Variants in DBT observed in about 807,000 individuals in gnomAD.
DBT encodes the protein dihydrolipoamide branched chain transacylase E2, also known as lipoamide acyltransferase component of branched-chain alpha-keto acid dehydrogenase complex, mitochondrial.
DBT carries 40 observed loss-of-function variants against 51.3 expected under a neutral mutation model. The observed-to-expected ratio is 0.78, with a 90% CI of 0.61 to 1.02. The LOEUF (loss-of-function observed/expected upper bound fraction) is 1.02, where lower values mean the gene tolerates loss of function less well. Among genes scored for constraint, DBT ranks in the 50% least tolerant of loss-of-function variants. DBT has a pLI of 0.00. For synonymous variants in DBT, 181 were observed against 190.4 expected (o/e 0.95, Z 0.41); for missense variants, 510 against 580.2 (o/e 0.88, Z 1.24).
intron 3 of DBT, among the ~76,000 whole-genome samples, chr1:100,232,431 C>T (rs1663603676): frequency 6.6e-6 from 1 of 152,120 alleles, no homozygotes; most frequent in Admixed American, 6.5e-5. Context: ...TGAGCCACCA[C>T]ACCTGGCCAC....
At chr1:100,235,773 A>C (rs1663827920) in intron 2 of DBT, among the ~76,000 whole-genome samples, 1 of 152,210 alleles carries the variant, frequency 6.6e-6, no homozygotes, top group Admixed American at 6.5e-5. Flanking sequence ...GTCTGTTATA[A>C]GGCTATAAAA....
At position 100,206,657 on chromosome 1, in the gene DBT, C is replaced by T. The variant is rs554313913; in HGVS notation, c.1018-21G>A. 3.5e-6 allele frequency: 5 copies of T among 1,418,170 alleles called. No individual in the cohort carries two copies. In the South Asian group the frequency reaches 4.6e-5, roughly 13 times the overall value. The allele number at this position is 1,418,170 out of a possible 1,614,324, so 87.8% of individuals were successfully genotyped here. On this transcript the variant is annotated intron_variant, in intron 8 of 10. Transcript: ENST00000370132. ...GAAGCCTAAAAAATAAAAAATTGTA[C>T]AGTAGGGCTTTTAATGAATAAGCTA...
rs1660781689 is a variant in DBT, at chr1:100,191,003, T to G, written c.*5252A>C. ...TGTAAATTCAAATAGGTATCTTCTT[T>G]TTCTCTTGATAAATATTCCTGTGGT... On this transcript the variant is annotated 3_prime_UTR_variant, in exon 11 of 11. Coordinates refer to ENST00000370132, the MANE Select transcript of DBT (RefSeq NM_001918.5). 3.9e-5 allele frequency: 6 copies of G among 152,224 alleles called. No homozygotes were observed. The South Asian group carries it at 1.2e-3, about 32-fold the overall frequency. 9.4% of individuals were successfully genotyped at this position (152,224 alleles called of 1,614,324 possible).
chr1:100,207,969 A>T (rs1442571962), intron 8 of DBT, among the ~76,000 whole-genome samples: 2 of 152,136 alleles, frequency 1.3e-5, no homozygotes, highest in Non-Finnish European at 2.9e-5. Context: ...CATCTGTACG[A>T]AAAATACAAA....
At chr1:100,225,022 C>CCAA (rs1169043481) in intron 4 of DBT, among the ~76,000 whole-genome samples, 6 of 64,838 alleles carry the variant, frequency 9.3e-5, no homozygotes, top group African/African-American at 2.6e-4. Context: ...CGTCTCCCCC[C>CCAA]AAAAAAAAAA....
chr1:100,194,103 A>G lies in DBT; in HGVS notation c.*2152T>C, dbSNP rs955826049. The G allele has an allele frequency of 1.3e-5, 2 of 152,192 alleles. No individual in the cohort carries two copies. The highest frequency in any genetic ancestry group is 4.8e-5 in the African/African-American group (2 of 41,462). The allele number at this position is 152,192 out of a possible 1,614,324, so 9.4% of individuals were successfully genotyped here. A position where few individuals can be genotyped will look rare whatever the true frequency, so the allele number is the denominator to read the frequency against. On this transcript the variant is annotated 3_prime_UTR_variant, in exon 11 of 11. Coordinates refer to ENST00000370132, the MANE Select transcript of DBT (RefSeq NM_001918.5). Reference sequence around the variant, plus strand: ...AAGATTATGAATGACTTTTTCTTTTATTGGTTAACTCTTTGTATTATCTGA... The same window carrying G: ...AAGATTATGAATGACTTTTTCTTTTGTTGGTTAACTCTTTGTATTATCTGA...
chr1:100,218,484 A>T, intron 5 of DBT, 142 bp downstream of exon 5: 1 of 887,438 alleles, frequency 1.1e-6, no homozygotes, highest in Non-Finnish European at 1.8e-6. Context: ...TTTTTATGCA[A>T]CTATTGCTTT....
intron 3 of DBT, among the ~76,000 whole-genome samples, chr1:100,232,483 T>A (rs1043326245): frequency 1.3e-5 from 2 of 151,858 alleles, no homozygotes; most frequent in African/African-American, 2.4e-5. Context: ...TTTGTAACTT[T>A]AAAAAAAAAT....
chr1:100,225,145 T>A (rs1468479908), intron 4 of DBT, among the ~76,000 whole-genome samples: 1 of 146,024 alleles, frequency 6.8e-6, no homozygotes, highest in African/African-American at 2.6e-5. Flanking sequence ...ACCATCACCA[T>A]AATCAAGATA....
chr1:100,196,431 G>GAAAAGAAAAA lies in DBT; in HGVS notation c.1282-10_1282-9insTTTTTCTTTT. The GAAAAGAAAAA allele has an allele frequency of 1.5e-6, 1 of 647,930 alleles. No homozygotes were observed. The highest frequency in any genetic ancestry group is 2.1e-5 in the South Asian group (1 of 47,436). 40.1% of individuals were successfully genotyped at this position (647,930 alleles called of 1,614,324 possible). On this transcript the variant is annotated splice_polypyrimidine_tract_variant and intron_variant, in intron 10 of 10. Transcript: ENST00000370132. ...TTAAATCGGGGAATGGCCTAGAAAT[G>GAAAAGAAAAA]AAAAAAAAAAAAAAAAAAAAAAAAA...
intron 10 of DBT, among the ~76,000 whole-genome samples, chr1:100,200,311 C>T (rs1307600365): frequency 6.6e-6 from 1 of 152,168 alleles, no homozygotes; most frequent in Non-Finnish European, 1.5e-5. Context: ...CTGGGCAGAG[C>T]CCACTGCAGC....
intron 1 of DBT, among the ~76,000 whole-genome samples, chr1:100,243,528 C>A (rs1055537511): frequency 6.6e-6 from 1 of 151,940 alleles, no homozygotes; most frequent in Non-Finnish European, 1.5e-5. Flanking sequence ...CATTATGTTG[C>A]CCAGGGTGCT....
rs1230444315 is a variant in DBT at position 100,192,007 on chromosome 1, C to G, written c.*4248G>C. The G allele has an allele frequency of 6.6e-6, 1 of 151,784 alleles. No individual in the cohort carries two copies. Among genetic ancestry groups the G allele is most frequent in the Non-Finnish European group, 1.5e-5 (1 of 68,050 alleles). The allele number at this position is 151,784 out of a possible 1,614,324, so 9.4% of individuals were successfully genotyped here. On this transcript the variant is annotated 3_prime_UTR_variant, in exon 11 of 11. Transcript: ENST00000370132. ...GTTTTTTTGGTAGAGCTGGGGTCGC[C>G]CAGGCTGGTCTCAAACTCTGGACTC...
intron 1 of DBT, among the ~76,000 whole-genome samples, chr1:100,248,224 AAAG>A (rs765551795): frequency 4.6e-5 from 7 of 152,174 alleles, no homozygotes; most frequent in Non-Finnish European, 8.8e-5. Flanking sequence ...CTTCAACATA[AAAG>A]AAGAAGTCGT....
chr1:100,237,462 T>C (rs1304489710), intron 2 of DBT, among the ~76,000 whole-genome samples: 1 of 152,154 alleles, frequency 6.6e-6, no homozygotes, highest in Non-Finnish European at 1.5e-5. Context: ...CAGCAGTAAT[T>C]AACTGATATG....
At chr1:100,234,305 A>C (rs1195819441) in intron 3 of DBT, among the ~76,000 whole-genome samples, 1 of 152,130 alleles carries the variant, frequency 6.6e-6, no homozygotes, top group Non-Finnish European at 1.5e-5. Context: ...ATGGGTCTAG[A>C]GAATAAGAGG....
intron 7 of DBT, chr1:100,211,179 C>T: frequency 1.3e-6 from 1 of 769,042 alleles, no homozygotes; most frequent in African/African-American, 1.7e-5. Flanking sequence ...GTGGAAAGAA[C>T]ACGTAACGAG....
In DBT at chr1:100,196,325, A is replaced by C. The variant is rs2100760938; in HGVS notation, c.1379T>G (p.Met460Arg). 1.2e-6 allele frequency: 2 copies of C among 1,610,444 alleles called. No individual in the cohort carries two copies. Among genetic ancestry groups the C allele is most frequent in the East Asian group, 2.2e-5 (1 of 44,584 alleles). ...TTTCCACAAATTGGAGAAGCGTGAC[A>C]TTGTAGCACCATCAATAACTCTGTG... ...ADHRVIDGAT[M>R]SRFSNLWKSY... Residue 460 changes from methionine (M) to arginine (R), a missense_variant, in exon 11 of 11, where the codon ATG becomes AGG. Met to Arg is a moderately conservative substitution (Grantham distance 91, BLOSUM62 -1). Coordinates refer to ENST00000370132, the MANE Select transcript of DBT (RefSeq NM_001918.5).
intron 1 of DBT, 21 bp from the exon 2 acceptor site, chr1:100,240,905 A>C: frequency 6.2e-7 from 1 of 1,611,344 alleles, no homozygotes; most frequent in Non-Finnish European, 8.5e-7. Context: ...GAAAACAAAA[A>C]GTAAAAGCAT....
Sources: allele counts gnomAD v4.1 joint callset (sites outside exome capture counted in the v4.1 genomes callset), GRCh38; gene constraint gnomAD v4.1.1; transcripts MANE v1.5; gene names NCBI Gene and HGNC (gene_info 2026-07-23, HGNC 2026-07-21).